Variants in LRP1B observed in about 807,000 individuals in gnomAD.
The protein encoded by LRP1B is LDL receptor related protein 1B, also known as low-density lipoprotein receptor-related protein 1B.
LRP1B carries 217 observed loss-of-function variants against 556.6 expected under a neutral mutation model. The observed-to-expected ratio is 0.39, with a 90% CI of 0.35 to 0.44. The LOEUF is 0.44. LRP1B is among the 20% of genes least tolerant of loss of function. The pLI is 1.00. For synonymous variants in LRP1B, 2,047 were observed against 1,865.8 expected (o/e 1.10, Z -2.50); for missense variants, 5,053 against 5,620.8 (o/e 0.90, Z 3.23).
At chr2:141,655,600 ATG>A (rs2105386360) in intron 2 of LRP1B, among the ~76,000 whole-genome samples, 1 of 152,266 alleles carries the variant, frequency 6.6e-6, no homozygotes, top group Non-Finnish European at 1.5e-5. Context: ...TGATTTATTT[ATG>A]TGTTTTAATA....
In LRP1B at chr2:141,292,480, A is replaced by C. The variant is rs182433358; in HGVS notation, c.344-37839T>G. 1.6e-3 allele frequency among the ~76,000 whole-genome samples: 249 copies of C among 152,278 alleles called. 1 individual carries two copies. Among genetic ancestry groups the C allele is most frequent in the African/African-American group, 5.5e-3 (229 of 41,558 alleles). ...TAAAGAGAAGAGCTCACCAAATCTA[A>C]AAAACAGAATAGAAAAGCAAGGAAA... On this transcript the variant is annotated intron_variant, in intron 3 of 90. Coordinates refer to ENST00000389484, the MANE Select transcript of LRP1B (RefSeq NM_018557.3).
chr2:140,475,445 TTTC>T (rs1687935303), intron 59 of LRP1B, 108 bp from the exon 60 acceptor site: 1 of 761,396 alleles, frequency 1.3e-6, no homozygotes, highest in African/African-American at 1.8e-5. Flanking sequence ...TCTTGCCATT[TTTC>T]TGAATTGCAG....
intron 57 of LRP1B, among the ~76,000 whole-genome samples, chr2:140,491,005 G>GC (rs1553473943): frequency 1.3e-5 from 2 of 151,862 alleles, no homozygotes; most frequent in African/African-American, 4.8e-5. Flanking sequence ...ATCTTAAAAT[G>GC]TTTTTTTAAA....
intron 72 of LRP1B, among the ~76,000 whole-genome samples, chr2:140,361,547 C>A (rs1434886029): frequency 6.6e-6 from 1 of 150,710 alleles, no homozygotes; most frequent in Non-Finnish European, 1.5e-5. Context: ...TTCTGGAACT[C>A]ATTTTCCCAT....
chr2:140,723,935 G>T (rs1687502547), intron 35 of LRP1B, among the ~76,000 whole-genome samples: 1 of 152,140 alleles, frequency 6.6e-6, no homozygotes, highest in Admixed American at 6.6e-5. Flanking sequence ...ATAACCTTCT[G>T]CCATAAACAG....
chr2:140,348,448 A>T (rs1681796464), intron 77 of LRP1B, among the ~76,000 whole-genome samples: 1 of 152,060 alleles, frequency 6.6e-6, no homozygotes, highest in African/African-American at 2.4e-5. Flanking sequence ...TATGTCATTT[A>T]GTTAGTTATG....
At chr2:140,726,351 C>A (rs1389253646) in intron 35 of LRP1B, among the ~76,000 whole-genome samples, 1 of 152,120 alleles carries the variant, frequency 6.6e-6, no homozygotes, top group Non-Finnish European at 1.5e-5. Flanking sequence ...AAAGTTAAAT[C>A]TCATCAGTTG....
At chr2:142,005,066 A>G (rs1174017025) in intron 1 of LRP1B, among the ~76,000 whole-genome samples, 1 of 148,250 alleles carries the variant, frequency 6.7e-6, no homozygotes, top group Non-Finnish European at 1.5e-5. Context: ...AATTATATAT[A>G]CTCTATATAT....
chr2:140,603,562 T>C (rs1175253983), intron 41 of LRP1B, among the ~76,000 whole-genome samples: 1 of 152,112 alleles, frequency 6.6e-6, no homozygotes, highest in Non-Finnish European at 1.5e-5. Context: ...CCAGTAACCA[T>C]GACATATCTT....
chr2:142,121,797 T>C (rs1707463678), intron 1 of LRP1B, among the ~76,000 whole-genome samples: 2 of 152,054 alleles, frequency 1.3e-5, no homozygotes, highest in Admixed American at 1.3e-4. Context: ...CCACGTAAAA[T>C]AGTGATTACC....
At chr2:140,468,400 C>A (rs1687633862) in intron 60 of LRP1B, among the ~76,000 whole-genome samples, 1 of 152,076 alleles carries the variant, frequency 6.6e-6, no homozygotes, top group Non-Finnish European at 1.5e-5. Flanking sequence ...GTGGTAGGGC[C>A]ACAGTAGAGA....
rs144562936 is a variant in LRP1B, at chr2:140,461,950, T to G, written c.9626-4299A>C. On this transcript the variant is annotated intron_variant, in intron 60 of 90. Transcript: ENST00000389484. Reference sequence around the variant, plus strand: ...CTATTACTTTTATGAAGGAATCAAGTTTACAGAGTAACATGAGCTTAGAAT... The same window carrying G: ...CTATTACTTTTATGAAGGAATCAAGGTTACAGAGTAACATGAGCTTAGAAT... 2.8e-4 allele frequency among the ~76,000 whole-genome samples: 42 copies of G among 152,336 alleles called. No individual in the cohort carries two copies. In the East Asian group the frequency reaches 7.9e-3, roughly 29 times the overall value.
intron 1 of LRP1B, among the ~76,000 whole-genome samples, chr2:142,013,623 T>A (rs755760625): frequency 6.6e-6 from 1 of 151,886 alleles, no homozygotes; most frequent in Non-Finnish European, 1.5e-5. Context: ...GTGAAGAAGA[T>A]TAAAGAGTTA....
chr2:141,397,427 C>T (rs1042086750), intron 3 of LRP1B, among the ~76,000 whole-genome samples: 2 of 150,688 alleles, frequency 1.3e-5, no homozygotes, highest in Non-Finnish European at 3.0e-5. Flanking sequence ...TTACAATGCA[C>T]AACTCATAGT....
intron 29 of LRP1B, among the ~76,000 whole-genome samples, chr2:140,845,413 A>G (rs1347283396): frequency 1.3e-5 from 2 of 152,180 alleles, no homozygotes; most frequent in Admixed American, 1.3e-4. Context: ...CTCTCCATCA[A>G]TAAAAAATTC....
chr2:140,838,878 C>T (rs1044824388), intron 31 of LRP1B, among the ~76,000 whole-genome samples: 1 of 152,074 alleles, frequency 6.6e-6, no homozygotes, highest in African/African-American at 2.4e-5. Context: ...ATATAGACAT[C>T]TACATGCATA....
At position 140,840,955 on chromosome 2, in the gene LRP1B, CGATTCCATGGAT is replaced by C. The variant is rs746957728; in HGVS notation, c.5065_5076del (p.Ile1689_Ile1692del). On this transcript the variant is annotated inframe_deletion, in exon 30 of 91. Coordinates refer to ENST00000389484, the MANE Select transcript of LRP1B (RefSeq NM_018557.3). The stretch of plus-strand genomic sequence containing the variant: ...TGAGCTGCAAGACACTGTGGCTTAT[CGATTCCATGGAT>C]AATTGAGGTTTTCAAAGAGCCATCT... 6.2e-7 allele frequency: 1 copy of C among 1,613,192 alleles called. No homozygotes were observed. Among genetic ancestry groups the C allele is most frequent in the Non-Finnish European group, 8.5e-7 (1 of 1,179,570 alleles).
rs77567956 is a variant in LRP1B at position 141,283,913 on chromosome 2, A to G, written c.344-29272T>C. Among the ~76,000 whole-genome samples, 1,050 of 152,210 alleles carry G rather than the reference A, an allele frequency of 6.9e-3. 59 individuals are homozygous for G. In the East Asian group the frequency reaches 0.13, roughly 19 times the overall value. On this transcript the variant is annotated intron_variant, in intron 3 of 90. Coordinates refer to ENST00000389484, the MANE Select transcript of LRP1B (RefSeq NM_018557.3). ...ATTGTGGACAACTTTATCATTTTAG[A>G]TAATAAAAAATTATCTGAGCTTTTG...
chr2:141,836,022 G>T (rs552687499), intron 1 of LRP1B, among the ~76,000 whole-genome samples: 23 of 152,084 alleles, frequency 1.5e-4, no homozygotes, highest in African/African-American at 5.5e-4. Flanking sequence ...TAATTTGCTT[G>T]ATATGGATTC....
Sources: gnomAD v4.1 joint callset for allele counts (sites outside exome capture counted in the v4.1 genomes callset) on GRCh38, gnomAD v4.1.1 for gene constraint, MANE v1.5 for transcripts, NCBI Gene and HGNC (gene_info 2026-07-23, HGNC 2026-07-21) for gene names.